ANKH: variants seen among roughly 807,000 people sequenced by gnomAD.
ANKH encodes the protein mineralization regulator ANKH.
ANKH carries 15 observed loss-of-function variants against 49.0 expected under a neutral mutation model. That is an observed-to-expected ratio of 0.31 (90% CI 0.20 to 0.47). ANKH has a LOEUF of 0.47. ANKH is among the 20% of genes least tolerant of loss of function. The probability of loss-of-function intolerance (pLI) is 1.00; values close to 1 mark genes in which losing one functional copy is unlikely to be tolerated. For missense variants in ANKH, 429 were observed against 652.0 expected (o/e 0.66, Z 3.72); for synonymous variants, 273 against 260.0 (o/e 1.05, Z -0.48).
At chr5:14,742,190 T>C (rs575515549) in intron 7 of ANKH, among the ~76,000 whole-genome samples, 1 of 152,268 alleles carries the variant, frequency 6.6e-6, no homozygotes, top group South Asian at 2.1e-4. Flanking sequence ...GGGCAGCCCA[T>C]CTTGCCCAGT....
chr5:14,713,698 G>A lies in ANKH; in HGVS notation c.1142-31C>T, dbSNP rs554933336. On this transcript the variant is annotated intron_variant, in intron 9 of 11. Transcript: ENST00000284268. The surrounding 1 kb of genome is among the most constrained non-coding windows in gnomAD (Gnocchi z 4.4). ...GGGAGGAGCAAAGGACTCGTCAGCC[G>A]TGCCCGCCATCCACTCCCCATCCTG... The A allele has an allele frequency of 2.4e-5, 39 of 1,612,210 alleles. No homozygotes were observed. The highest frequency in any genetic ancestry group is 4.0e-4 in the Middle Eastern group (2 of 5,018).
chr5:14,782,703 G>A (rs369470351), intron 1 of ANKH, among the ~76,000 whole-genome samples: 9 of 152,268 alleles, frequency 5.9e-5, no homozygotes, highest in African/African-American at 1.9e-4. Context: ...GACTAAAGAC[G>A]TATTTAATAT....
intron 8 of ANKH, 41 bp from the exon 9 acceptor site, chr5:14,716,876 G>T (rs1260910041): frequency 6.2e-7 from 1 of 1,610,292 alleles, no homozygotes; most frequent in Non-Finnish European, 8.5e-7. Context: ...AGGAAAAAGT[G>T]TAAGCAGGTG....
At chr5:14,778,274 G>A (rs1017493870) in intron 1 of ANKH, among the ~76,000 whole-genome samples, 4 of 152,090 alleles carry the variant, frequency 2.6e-5, no homozygotes, top group Non-Finnish European at 5.9e-5. Context: ...AGATTCACAC[G>A]CCTAGCCATA....
intron 1 of ANKH, among the ~76,000 whole-genome samples, chr5:14,805,925 T>C (rs1361016202): frequency 6.6e-6 from 1 of 152,202 alleles, no homozygotes; most frequent in Admixed American, 6.5e-5. Context: ...AAGTCTGTGC[T>C]TCTAACTCCT....
At position 14,709,827 on chromosome 5, in the gene ANKH, G is replaced by A. The variant is rs191464917; in HGVS notation, c.*1370C>T. The A allele has an allele frequency of 4.6e-5, 7 of 152,564 alleles. No homozygotes were observed. The highest frequency in any genetic ancestry group is 7.3e-5 in the Non-Finnish European group (5 of 68,028). The allele number at this position is 152,564 out of a possible 1,614,324, so 9.5% of individuals were successfully genotyped here. On this transcript the variant is annotated 3_prime_UTR_variant, in exon 12 of 12. Coordinates refer to ENST00000284268, the MANE Select transcript of ANKH (RefSeq NM_054027.6). The stretch of plus-strand genomic sequence containing the variant: ...CAAGCAATCACCGTATTGTATTAGA[G>A]ACATTTTATTGAAAATGCGAAAATA...
At chr5:14,748,419 G>C (rs974802855) in intron 6 of ANKH, among the ~76,000 whole-genome samples, 1 of 152,228 alleles carries the variant, frequency 6.6e-6, no homozygotes, top group Admixed American at 6.5e-5. Context: ...TGGACAGGGG[G>C]CCCTCGTGGG....
intron 1 of ANKH, among the ~76,000 whole-genome samples, chr5:14,803,323 G>A (rs780495307): frequency 7.9e-5 from 12 of 151,914 alleles, no homozygotes; most frequent in African/African-American, 1.2e-4. Flanking sequence ...TCTGTTGCCC[G>A]GGCTGGAGTG....
chr5:14,717,728 T>C (rs1737523730), intron 8 of ANKH, among the ~76,000 whole-genome samples: 1 of 152,206 alleles, frequency 6.6e-6, no homozygotes, highest in African/African-American at 2.4e-5. Flanking sequence ...GTAACCCTTA[T>C]CTGAAATGCT....
chr5:14,789,802 C>T (rs999792213), intron 1 of ANKH, among the ~76,000 whole-genome samples: 1 of 152,200 alleles, frequency 6.6e-6, no homozygotes, highest in Non-Finnish European at 1.5e-5. Context: ...CCTCCGATTC[C>T]CGGGCTCAAG....
rs80056534 is a variant in ANKH at position 14,802,660 on chromosome 5, T to C, written c.97-33469A>G. Among the ~76,000 whole-genome samples, 1,025 of 151,926 alleles carry C rather than the reference T, an allele frequency of 6.7e-3. 11 individuals are homozygous for C. Among genetic ancestry groups the C allele is most frequent in the Middle Eastern group, 0.037 (11 of 294 alleles). Reference sequence around the variant, plus strand: ...CATTCTAGATTCCAGACACAAGGCGTCTCCTTGAGAGCTACAGATTCTTCC... The same window carrying C: ...CATTCTAGATTCCAGACACAAGGCGCCTCCTTGAGAGCTACAGATTCTTCC... On this transcript the variant is annotated intron_variant, in intron 1 of 11. Transcript: ENST00000284268.
At chr5:14,778,814 TTG>T (rs200559293) in intron 1 of ANKH, among the ~76,000 whole-genome samples, 1,565 of 152,300 alleles carry the variant, frequency 0.01, 13 homozygotes, top group Middle Eastern at 0.034. Context: ...TTAACGGTAT[TTG>T]TAGAATTCTA....
chr5:14,749,379 G>A (rs1308504329), intron 5 of ANKH, 73 bp from the exon 6 acceptor site: 5 of 1,546,928 alleles, frequency 3.2e-6, no homozygotes, highest in Non-Finnish European at 4.5e-6. Context: ...CAGAATCAAA[G>A]CTTTTCCTTC....
chr5:14,711,301 T>C lies in ANKH; in HGVS notation c.1375A>G (p.Met459Val), dbSNP rs748543717. 6.2e-7 allele frequency: 1 copy of C among 1,614,032 alleles called. No individual in the cohort carries two copies. Among genetic ancestry groups the C allele is most frequent in the Non-Finnish European group, 8.5e-7 (1 of 1,179,930 alleles). ...CYVYRKQKKK[M>V]ENESATEGED... ...CCCTCCGTGGCCGACTCATTCTCCA[T>C]CTTCTTTTTCTAGACCAAAGAAGAC... The change falls in exon 12 of 12, where the codon ATG becomes GTG. Residue 459 changes from methionine to valine, a missense_variant. Physicochemically the swap from Met to Val is conservative, Grantham distance 21 (BLOSUM62 1). Around this residue, in one of 2 missense-constraint regions of ANKH, gnomAD observed 378 missense variants for 615.3 expected, o/e 0.61. Transcript: ENST00000284268.
intron 1 of ANKH, among the ~76,000 whole-genome samples, chr5:14,858,657 A>G (rs966040185): frequency 2.6e-5 from 4 of 151,876 alleles, no homozygotes; most frequent in Non-Finnish European, 4.4e-5. Flanking sequence ...CGGGGGTTGC[A>G]GTGAGCCGAG....
chr5:14,801,844 T>C (rs1338744031), intron 1 of ANKH, among the ~76,000 whole-genome samples: 1 of 152,204 alleles, frequency 6.6e-6, no homozygotes, highest in African/African-American at 2.4e-5. Context: ...ATGAAAACAA[T>C]TTAGAACATT....
At chr5:14,785,457 C>T (rs1739943975) in intron 1 of ANKH, among the ~76,000 whole-genome samples, 1 of 152,166 alleles carries the variant, frequency 6.6e-6, no homozygotes, top group African/African-American at 2.4e-5. Flanking sequence ...TGCCTACTCC[C>T]CGTTCACCTT....
chr5:14,748,009 C>G (rs1738593788), intron 6 of ANKH, among the ~76,000 whole-genome samples: 1 of 152,154 alleles, frequency 6.6e-6, no homozygotes, highest in Non-Finnish European at 1.5e-5. Flanking sequence ...CCAATAAATG[C>G]CAGTGCTGTA....
chr5:14,774,494 G>A (rs565500287), intron 1 of ANKH, among the ~76,000 whole-genome samples: 1 of 152,182 alleles, frequency 6.6e-6, no homozygotes, highest in South Asian at 2.1e-4. Context: ...CTGGAGTGCA[G>A]TGGCATGATC....
Sources: gnomAD v4.1 joint callset for allele counts (sites outside exome capture counted in the v4.1 genomes callset) on GRCh38, gnomAD v4.1.1 for gene constraint, gnomAD v4.1.1 regional missense constraint, Gnocchi (gnomAD v3.1) non-coding constraint, MANE v1.5 for transcripts, NCBI Gene and HGNC (gene_info 2026-07-23, HGNC 2026-07-21) for gene names.